Variants in NOS2 observed in about 807,000 individuals in gnomAD.
The protein encoded by NOS2 is nitric oxide synthase 2, also known as nitric oxide synthase, inducible.
A neutral mutation model predicts 136.0 loss-of-function variants in NOS2; 96 were observed. The observed-to-expected ratio is 0.71, with a 90% CI of 0.60 to 0.84. NOS2 has a LOEUF of 0.84. NOS2 is among the 40% of genes least tolerant of loss of function. NOS2 has a pLI of 0.00. For missense variants in NOS2, 1,237 were observed against 1,496.9 expected, an observed-to-expected ratio of 0.83 and a Z score of 2.87; for synonymous variants, 539 against 587.5, an observed-to-expected ratio of 0.92 and a Z score of 1.20.
At position 27,757,172 on chromosome 17, in the gene NOS2, G is replaced by A. The variant is rs1907951424; in HGVS notation, c.*74C>T. The A allele has an allele frequency of 4.1e-6, 5 of 1,205,064 alleles. No homozygotes were observed. The highest frequency in any genetic ancestry group is 6.0e-6 in the Non-Finnish European group (5 of 831,414). 74.6% of individuals were successfully genotyped at this position (1,205,064 alleles called of 1,614,324 possible). A position where few individuals can be genotyped will look rare whatever the true frequency, so the allele number is the denominator to read the frequency against. ...ACTTTCCTCCATCTCCCCAGGCCCT[G>A]TGACCTCAGATAATGCAGAGCTGGC... On this transcript the variant is annotated 3_prime_UTR_variant, in exon 27 of 27. Coordinates refer to ENST00000313735, the MANE Select transcript of NOS2 (RefSeq NM_000625.4).
rs1304684241 is a variant in NOS2 at position 27,778,867 on chromosome 17, G to C, written c.1179+15C>G. Reference sequence around the variant, plus strand: ...GCCCACACCTTCATCTGGCCAGCTGGGCTGGCTGGGTTACCTCCAGGATGT... The same window carrying C: ...GCCCACACCTTCATCTGGCCAGCTGCGCTGGCTGGGTTACCTCCAGGATGT... On this transcript the variant is annotated intron_variant, in intron 10 of 26. Transcript: ENST00000313735. The C allele has an allele frequency of 6.2e-7, 1 of 1,610,068 alleles. No individual in the cohort carries two copies. Among genetic ancestry groups the C allele is most frequent in the East Asian group, 2.2e-5 (1 of 44,772 alleles).
intron 20 of NOS2, among the ~76,000 whole-genome samples, chr17:27,764,621 G>A (rs1291806908): frequency 6.6e-6 from 1 of 152,206 alleles, no homozygotes; most frequent in Non-Finnish European, 1.5e-5. Context: ...CACAGACCCT[G>A]GTGCCAGAAG....
intron 23 of NOS2, 97 bp downstream of exon 23, chr17:27,761,047 G>C (rs921528758): frequency 2.6e-6 from 3 of 1,165,490 alleles, no homozygotes; most frequent in Middle Eastern, 3.0e-4. Context: ...GGGCCAAGGG[G>C]CTCCGAGCGT....
chr17:27,767,677 G>GC (rs1597546637), intron 18 of NOS2, 28 bp downstream of exon 18: 1 of 1,610,960 alleles, frequency 6.2e-7, no homozygotes, highest in African/African-American at 1.3e-5. Flanking sequence ...ACACAAACAA[G>GC]CCCCATGTGC....
chr17:27,763,376 G>C (rs1277385022), intron 21 of NOS2, among the ~76,000 whole-genome samples: 1 of 152,202 alleles, frequency 6.6e-6, no homozygotes, highest in Non-Finnish European at 1.5e-5. Flanking sequence ...AACAAGGACA[G>C]TATTGCCTGT....
rs772651767 is a variant in NOS2 at position 27,758,866 on chromosome 17, C to G, written c.3354+15G>C. The G allele has an allele frequency of 4.7e-6, 7 of 1,481,620 alleles. No homozygotes were observed. The highest frequency in any genetic ancestry group is 6.3e-6 in the Non-Finnish European group (7 of 1,109,808). 91.8% of individuals were successfully genotyped at this position (1,481,620 alleles called of 1,614,324 possible). ...CCTTGGCCGGCACCTTCAGCCCACA[C>G]ACCCACTACTATACCTTGAGCTGAA... On this transcript the variant is annotated intron_variant, in intron 26 of 26. Coordinates refer to ENST00000313735, the MANE Select transcript of NOS2 (RefSeq NM_000625.4).
rs1231316350 is a variant in NOS2, at chr17:27,769,041, C to T, written c.1970G>A (p.Gly657Glu). ...HLGASQLTPM[G>E]EGDELSGQED... Reference sequence around the variant, plus strand: ...CTGCCCACTGAGCTCATCCCCTTCTCCCATCGGGGTGAGCTGAGAGGCCCC... The same window carrying T: ...CTGCCCACTGAGCTCATCCCCTTCTTCCATCGGGGTGAGCTGAGAGGCCCC... Residue 657 changes from glycine to glutamate, a missense_variant, in exon 17 of 27, where the codon GGA (glycine) becomes GAA (glutamate). Gly to Glu is a moderately conservative substitution (Grantham distance 98). Transcript: ENST00000313735. 6.2e-7 allele frequency: 1 copy of T among 1,612,734 alleles called. No individual in the cohort carries two copies. The highest frequency in any genetic ancestry group is 8.5e-7 in the Non-Finnish European group (1 of 1,179,622).
intron 5 of NOS2, among the ~76,000 whole-genome samples, chr17:27,784,505 A>T (rs1424620188): frequency 1.3e-5 from 2 of 152,228 alleles, no homozygotes; most frequent in African/African-American, 4.8e-5. Context: ...AACAGTAATG[A>T]TCACCATAAC....
At chr17:27,774,166 C>T in intron 12 of NOS2, 91 bp downstream of exon 12, 3 of 980,468 alleles carry the variant, frequency 3.1e-6, no homozygotes. Context: ...CCCGTCGTGC[C>T]CTACATGTGT....
In NOS2 at chr17:27,756,928, C is replaced by T; in HGVS notation, c.*318G>A. On this transcript the variant is annotated 3_prime_UTR_variant, in exon 27 of 27. Coordinates refer to ENST00000313735, the MANE Select transcript of NOS2 (RefSeq NM_000625.4). ...TAAATACACAGTGGTGCGATAGCAC[C>T]TCCTGGTGGTCACTTGAAGTGGTGC... 6.1e-6 allele frequency: 2 copies of T among 328,382 alleles called. No individual in the cohort carries two copies. The highest frequency in any genetic ancestry group is 4.8e-5 in the Admixed American group (1 of 20,646). 20.3% of individuals were successfully genotyped at this position (328,382 alleles called of 1,614,324 possible).
chr17:27,765,737 C>T (rs1408022680), intron 19 of NOS2, 21 bp from the exon 20 acceptor site: 1 of 1,579,762 alleles, frequency 6.3e-7, no homozygotes, highest in Non-Finnish European at 8.6e-7. Flanking sequence ...AAAATGAAGC[C>T]TCAGGTGACA....
chr17:27,774,495 A>G (rs1245345170), intron 11 of NOS2, 44 bp from the exon 12 acceptor site: 2 of 1,384,560 alleles, frequency 1.4e-6, no homozygotes, highest in African/African-American at 1.5e-5. Context: ...AGGGTGGGGG[A>G]ATCAGGAGAG....
At position 27,779,027 on chromosome 17, in the gene NOS2, T is replaced by G; in HGVS notation, c.1034A>C (p.Lys345Thr). ...KYEWFRELEL[K>T]WYALPAVANM... ...GGCCACTGCAGGCAGGGCGTACCAC[T>G]TTAGCTCCAGTTCCCGAAACCACTC... The change falls in exon 10 of 27, where the codon AAG (lysine) becomes ACG (threonine). Residue 345 changes from lysine (K) to threonine (T), a missense_variant. Transcript: ENST00000313735. The G allele has an allele frequency of 6.4e-7, 1 of 1,561,262 alleles. No homozygotes were observed. The highest frequency in any genetic ancestry group is 8.7e-7 in the Non-Finnish European group (1 of 1,150,758).
At chr17:27,759,374 G>T (rs1020068081) in intron 25 of NOS2, among the ~76,000 whole-genome samples, 10 of 152,178 alleles carry the variant, frequency 6.6e-5, no homozygotes, top group African/African-American at 2.4e-4. Context: ...ATCAATGAAG[G>T]CAGTCCCCCT....
chr17:27,764,303 C>T (rs953718767), intron 20 of NOS2, among the ~76,000 whole-genome samples, 159 bp from the exon 21 acceptor site: 4 of 151,892 alleles, frequency 2.6e-5, no homozygotes, highest in Admixed American at 6.6e-5. Flanking sequence ...AAGAAGGTGG[C>T]GCATGGAGAA....
chr17:27,794,702 A>G (rs2142529817), intron 2 of NOS2, among the ~76,000 whole-genome samples: 1 of 141,100 alleles, frequency 7.1e-6, no homozygotes, highest in South Asian at 2.3e-4. Flanking sequence ...ACACATGCGT[A>G]CACACACACG....
chr17:27,787,757 T>A lies in NOS2; in HGVS notation c.388A>T (p.Arg130Trp). The change falls in exon 5 of 27, where the codon AGG becomes TGG. Residue 130 changes from arginine (R) to tryptophan (W), a missense_variant. Around this residue, in one of 3 missense-constraint regions of NOS2, gnomAD observed 440 missense variants for 545.4 expected, o/e 0.81. Coordinates refer to ENST00000313735, the MANE Select transcript of NOS2 (RefSeq NM_000625.4). ...TCATCTGGAGGGGTAGGCTTGTCCC[T>A]GGGTCCTCTGGTCAAACTTTTGGGA... ...MTPKSLTRGP[R>W]DKPTPPDELL... 1 of 1,613,832 alleles carries A rather than the reference T, an allele frequency of 6.2e-7. No homozygotes were observed. The highest frequency in any genetic ancestry group is 8.5e-7 in the Non-Finnish European group (1 of 1,179,854).
chr17:27,800,071 AT>A (rs1297912691), intron 1 of NOS2, among the ~76,000 whole-genome samples: 2 of 152,224 alleles, frequency 1.3e-5, no homozygotes, highest in African/African-American at 4.8e-5. Flanking sequence ...GTTAAAAAAA[AT>A]TCTTAGCAGA....
chr17:27,763,115 C>A, intron 21 of NOS2, 110 bp from the exon 22 acceptor site: 1 of 751,116 alleles, frequency 1.3e-6, no homozygotes, highest in South Asian at 1.9e-5. Flanking sequence ...CAAACAAGTC[C>A]ATGTGCCAGG....
Sources: gnomAD v4.1 joint callset for allele counts (sites outside exome capture counted in the v4.1 genomes callset) on GRCh38, gnomAD v4.1.1 for gene constraint, gnomAD v4.1.1 regional missense constraint, MANE v1.5 for transcripts, NCBI Gene and HGNC (gene_info 2026-07-23, HGNC 2026-07-21) for gene names.